Variants in PTPRK observed in about 807,000 individuals in gnomAD.
PTPRK encodes protein tyrosine phosphatase receptor type K.
Under a neutral mutation model 178.0 loss-of-function variants are expected in PTPRK, and 75 were observed. The ratio of observed to expected loss-of-function variants is 0.42; its 90% confidence interval spans 0.35 to 0.51. The LOEUF is 0.51. PTPRK is among the 20% of genes least tolerant of loss of function. PTPRK has a pLI of 0.02. For missense variants in PTPRK, 1,441 were observed against 1,797.8 expected, an observed-to-expected ratio of 0.80 and a Z score of 3.59; for synonymous variants, 637 against 620.6, an observed-to-expected ratio of 1.03 and a Z score of -0.39.
intron 16 of PTPRK, among the ~76,000 whole-genome samples, chr6:127,998,145 G>A (rs906074449): frequency 7.9e-5 from 12 of 152,004 alleles, no homozygotes; most frequent in African/African-American, 2.7e-4. Context: ...GGGAAATAAG[G>A]TTGGAAGAAG....
At chr6:128,079,488 C>A (rs1481610824) in intron 10 of PTPRK, among the ~76,000 whole-genome samples, 1 of 151,828 alleles carries the variant, frequency 6.6e-6, no homozygotes, top group Non-Finnish European at 1.5e-5. Flanking sequence ...ACATTAGTTG[C>A]CAGATTCTTA....
In PTPRK at chr6:128,295,405, T is replaced by A. The variant is rs73772025; in HGVS notation, c.495+26634A>T. On this transcript the variant is annotated intron_variant, in intron 3 of 29. Coordinates refer to ENST00000368226, the MANE Select transcript of PTPRK (RefSeq NM_002844.4). ...TTCTCAAGTGAGTACAAAGCAAGAT[T>A]TTTTTTTAAATTGGTGCTAAGGAGG... Among the ~76,000 whole-genome samples, 1,038 of 152,080 alleles carry A rather than the reference T, an allele frequency of 6.8e-3. 9 individuals carry two copies. The highest frequency in any genetic ancestry group is 0.024 in the African/African-American group (1,004 of 41,496).
At chr6:128,440,199 A>C (rs1463641548) in intron 1 of PTPRK, among the ~76,000 whole-genome samples, 2 of 152,152 alleles carry the variant, frequency 1.3e-5, no homozygotes, top group Non-Finnish European at 2.9e-5. Flanking sequence ...ACCCAGAGAC[A>C]ACTGTGGTAT....
chr6:128,256,747 A>G (rs910867470), intron 3 of PTPRK, among the ~76,000 whole-genome samples: 1 of 151,898 alleles, frequency 6.6e-6, no homozygotes, highest in Non-Finnish European at 1.5e-5. Flanking sequence ...TAGGCAAACT[A>G]TTTTCTATCT....
At chr6:128,501,277 G>T (rs917430077) in intron 1 of PTPRK, 1 of 151,996 alleles carries the variant, frequency 6.6e-6, no homozygotes, top group African/African-American at 2.4e-5. Context: ...CAAGATAAAA[G>T]ATTTTATATA....
intron 1 of PTPRK, among the ~76,000 whole-genome samples, chr6:128,490,508 C>T (rs1404487477): frequency 1.3e-5 from 2 of 152,166 alleles, no homozygotes; most frequent in Admixed American, 1.3e-4. Context: ...GGTCATACCG[C>T]CCAGGCCCCA....
chr6:128,495,338 C>T (rs1437173003), intron 1 of PTPRK, among the ~76,000 whole-genome samples: 1 of 151,944 alleles, frequency 6.6e-6, no homozygotes, highest in Admixed American at 6.6e-5. Context: ...ATAAGAGACG[C>T]AATTTCAGGG....
chr6:128,243,386 ACT>A (rs1477362662), intron 3 of PTPRK, among the ~76,000 whole-genome samples: 1 of 150,750 alleles, frequency 6.6e-6, no homozygotes, highest in African/African-American at 2.4e-5. Flanking sequence ...GGGTGCGGTA[ACT>A]CACACCTATA....
At chr6:127,988,076 T>C (rs1337859463) in intron 21 of PTPRK, among the ~76,000 whole-genome samples, 1 of 151,336 alleles carries the variant, frequency 6.6e-6, no homozygotes, top group African/African-American at 2.4e-5. Flanking sequence ...TAATAGGTCA[T>C]GTAGTGATAT....
chr6:128,042,146 T>C (rs1191038252), intron 13 of PTPRK, among the ~76,000 whole-genome samples: 1 of 152,050 alleles, frequency 6.6e-6, no homozygotes, highest in Non-Finnish European at 1.5e-5. Flanking sequence ...GAAGGCAACC[T>C]AGGCCGCGTA....
At chr6:128,219,299 C>T (rs909176231) in intron 5 of PTPRK, among the ~76,000 whole-genome samples, 1 of 152,124 alleles carries the variant, frequency 6.6e-6, no homozygotes, top group Non-Finnish European at 1.5e-5. Flanking sequence ...CACAAAAGAC[C>T]AGTTTCCTGG....
chr6:128,014,861 G>A (rs1779431564), intron 13 of PTPRK, among the ~76,000 whole-genome samples: 1 of 151,496 alleles, frequency 6.6e-6, no homozygotes. Context: ...TATGAAACTT[G>A]CCCAGTATTA....
intron 3 of PTPRK, among the ~76,000 whole-genome samples, chr6:128,316,720 T>C (rs1396897151): frequency 6.6e-6 from 1 of 151,204 alleles, no homozygotes; most frequent in Non-Finnish European, 1.5e-5. Context: ...TTTTTTTTTT[T>C]TTTTTTTTTA....
intron 1 of PTPRK, among the ~76,000 whole-genome samples, chr6:128,513,853 T>C (rs190478665): frequency 3.3e-5 from 5 of 152,282 alleles, no homozygotes; most frequent in East Asian, 1.9e-4. Flanking sequence ...CCAATGACCA[T>C]GAAGCAATCA....
intron 5 of PTPRK, among the ~76,000 whole-genome samples, chr6:128,239,755 T>A (rs1304898496): frequency 6.6e-6 from 1 of 152,188 alleles, no homozygotes; most frequent in Non-Finnish European, 1.5e-5. Flanking sequence ...TTCAAATGGA[T>A]CTACAGAATT....
At chr6:128,012,188 A>G (rs1275070707) in intron 13 of PTPRK, among the ~76,000 whole-genome samples, 3 of 151,454 alleles carry the variant, frequency 2.0e-5, no homozygotes, top group East Asian at 3.9e-4. Flanking sequence ...TATCATTACT[A>G]TTACTACTAT....
intron 2 of PTPRK, among the ~76,000 whole-genome samples, chr6:128,370,465 G>A (rs1836117895): frequency 1.3e-5 from 2 of 152,080 alleles, no homozygotes; most frequent in African/African-American, 4.8e-5. Flanking sequence ...TAGGCCTTTA[G>A]GGTCTCAAAT....
At chr6:128,299,369 T>C (rs1825125425) in intron 3 of PTPRK, among the ~76,000 whole-genome samples, 1 of 151,718 alleles carries the variant, frequency 6.6e-6, no homozygotes. Context: ...TGGAAAAAAC[T>C]ACTTTAAAGT....
At chr6:128,094,879 A>G (rs1277146878) in intron 7 of PTPRK, among the ~76,000 whole-genome samples, 1 of 152,106 alleles carries the variant, frequency 6.6e-6, no homozygotes, top group Non-Finnish European at 1.5e-5. Flanking sequence ...AAGAAAAAGG[A>G]GAGGGCAAAA....
Sources: allele counts gnomAD v4.1 joint callset (sites outside exome capture counted in the v4.1 genomes callset), GRCh38; gene constraint gnomAD v4.1.1; transcripts MANE v1.5; gene names NCBI Gene and HGNC (gene_info 2026-07-23, HGNC 2026-07-21).